RELL1: variants seen among roughly 807,000 people sequenced by gnomAD.
The protein encoded by RELL1 is RELT-like protein 1.
In RELL1, 10 loss-of-function variants were observed where a neutral mutation model predicts 23.0. The observed-to-expected ratio is 0.43, with a 90% CI of 0.27 to 0.74. RELL1 has a LOEUF of 0.74. Among genes scored for constraint, RELL1 ranks in the 30% least tolerant of loss-of-function variants. The pLI is 0.19. For synonymous variants in RELL1, 146 were observed against 146.8 expected, an observed-to-expected ratio of 0.99 and a Z score of 0.04; for missense variants, 315 against 364.4, an observed-to-expected ratio of 0.86 and a Z score of 1.10.
chr4:37,668,748 C>G (rs1445856128), intron 1 of RELL1, among the ~76,000 whole-genome samples: 1 of 147,550 alleles, frequency 6.8e-6, no homozygotes, highest in East Asian at 2.0e-4. Flanking sequence ...TCTGCCCGGC[C>G]GCCATCCCAT....
intron 6 of RELL1, among the ~76,000 whole-genome samples, chr4:37,595,208 C>G (rs1157907633): frequency 6.6e-6 from 1 of 152,124 alleles, no homozygotes; most frequent in Non-Finnish European, 1.5e-5. Context: ...TATAGATTTA[C>G]TAAATTTGTA....
chr4:37,625,326 A>G (rs895018607), intron 6 of RELL1, among the ~76,000 whole-genome samples: 2 of 151,606 alleles, frequency 1.3e-5, no homozygotes, highest in Non-Finnish European at 2.9e-5. Context: ...ATTTTTTGAT[A>G]AGATCCCAAA....
rs1719141272 is a variant in RELL1, at chr4:37,604,900, G to GACACACACACATACACACAGACAC, written c.*4-13684_*4-13683insGTGTCTGTGTGTATGTGTGTGTGT. Among the ~76,000 whole-genome samples the GACACACACACATACACACAGACAC allele has an allele frequency of 9.1e-5, 6 of 65,614 alleles. 1 individual carries two copies. Among genetic ancestry groups the GACACACACACATACACACAGACAC allele is most frequent in the African/African-American group, 4.9e-4 (6 of 12,180 alleles). 43.0% of individuals were successfully genotyped at this position (65,614 alleles called of 152,430 possible). On this transcript the variant is annotated intron_variant, in intron 6 of 6. Coordinates refer to the RELL1 transcript ENST00000314117. ...ACACATACACACAGACACACACACA[G>GACACACACACATACACACAGACAC]ACACACACACACACACACAGACACA...
intron 6 of RELL1, among the ~76,000 whole-genome samples, chr4:37,626,062 A>G (rs1254199038): frequency 6.6e-6 from 1 of 152,232 alleles, no homozygotes; most frequent in Non-Finnish European, 1.5e-5. Context: ...CACACCTGTT[A>G]GAATGACAAT....
intron 6 of RELL1, chr4:37,622,704 C>A: frequency 2.4e-6 from 1 of 422,230 alleles, no homozygotes; most frequent in Non-Finnish European, 4.6e-6. Flanking sequence ...AGGATAGAAG[C>A]TCTGTAAGAG....
chr4:37,643,729 C>T (rs1720601877), intron 3 of RELL1, among the ~76,000 whole-genome samples: 1 of 152,156 alleles, frequency 6.6e-6, no homozygotes, highest in Non-Finnish European at 1.5e-5. Flanking sequence ...TTTAAAAATG[C>T]ATTTAGTCCA....
rs760013699 is a variant in RELL1, at chr4:37,610,636, C to G, written c.*2710G>C. Among the ~76,000 whole-genome samples, 2 of 152,152 alleles carry G rather than the reference C, an allele frequency of 1.3e-5. No homozygotes were observed. The highest frequency in any genetic ancestry group is 2.9e-5 in the Non-Finnish European group (2 of 68,024). ...GGATCACCCACAAGACAACACACTG[C>G]GTTTAACATTTTTATTTTTAACTCC... On this transcript the variant is annotated 3_prime_UTR_variant, in exon 7 of 7. Coordinates refer to ENST00000454158, the MANE Select transcript of RELL1 (RefSeq NM_001085400.2). This position sits in a 1 kb window ranked among gnomAD's most constrained non-coding sequence, Gnocchi z 4.1.
intron 6 of RELL1, among the ~76,000 whole-genome samples, chr4:37,600,082 C>T (rs560315224): frequency 6.6e-6 from 1 of 152,188 alleles, no homozygotes; most frequent in South Asian, 2.1e-4. Flanking sequence ...CCAGCCTGGC[C>T]AACGTGGCAA....
chr4:37,678,601 A>T (rs373581358), intron 1 of RELL1, among the ~76,000 whole-genome samples: 4 of 152,354 alleles, frequency 2.6e-5, no homozygotes, highest in African/African-American at 4.8e-5. Context: ...AAGTAATGGC[A>T]GAGGCCCAAA....
At position 37,644,301 on chromosome 4, in the gene RELL1, G is replaced by C. The variant is rs115264296; in HGVS notation, c.385+3067C>G. Among the ~76,000 whole-genome samples, 749 of 152,042 alleles carry C rather than the reference G, an allele frequency of 4.9e-3. 4 individuals carry two copies. Among genetic ancestry groups the C allele is most frequent in the African/African-American group, 0.017 (723 of 41,502 alleles). On this transcript the variant is annotated intron_variant, in intron 3 of 6. Transcript: ENST00000454158. ...ACCCTCTCTGCTGTAATTAAGAGAA[G>C]TGCTTACTGCCAGCACCGTCCTGCC...
intron 6 of RELL1, among the ~76,000 whole-genome samples, chr4:37,615,441 C>A (rs1719543859): frequency 1.3e-5 from 2 of 152,216 alleles, no homozygotes; most frequent in Admixed American, 6.5e-5. Flanking sequence ...ATTTCTTTAA[C>A]CCAGAACAAT....
intron 1 of RELL1, among the ~76,000 whole-genome samples, chr4:37,680,440 G>A (rs1053776695): frequency 6.6e-6 from 1 of 152,248 alleles, no homozygotes; most frequent in South Asian, 2.1e-4. Context: ...TAAAAATAAT[G>A]AGCAACTGAA....
intron 1 of RELL1, among the ~76,000 whole-genome samples, chr4:37,658,661 G>T (rs113108623): frequency 2.6e-5 from 4 of 152,266 alleles, no homozygotes; most frequent in African/African-American, 9.6e-5. Flanking sequence ...GTCTGCATAC[G>T]TAAAACACGA....
chr4:37,604,990 G>A (rs58037498), intron 6 of RELL1, among the ~76,000 whole-genome samples: 18,207 of 150,792 alleles, frequency 0.12, 1,298 homozygotes, highest in East Asian at 0.28. Context: ...CAGTTGGAAA[G>A]TGTGTTTCTC....
downstream of RELL1, chr4:37,589,952 A>T: frequency 1.3e-6 from 1 of 760,024 alleles, no homozygotes; most frequent in Admixed American, 2.4e-5. Context: ...TATCTATTTG[A>T]TTTAGACATA....
chr4:37,672,075 G>A (rs2109309821), intron 1 of RELL1, among the ~76,000 whole-genome samples: 1 of 152,240 alleles, frequency 6.6e-6, no homozygotes, highest in African/African-American at 2.4e-5. Flanking sequence ...CAACCCAGAA[G>A]CTCCTAGCCT....
chr4:37,635,917 A>G (rs1720311610), intron 4 of RELL1, among the ~76,000 whole-genome samples: 1 of 152,246 alleles, frequency 6.6e-6, no homozygotes, highest in Non-Finnish European at 1.5e-5. Context: ...ATTATATCAA[A>G]GGAGGAAAGC....
At chr4:37,590,657 A>G, downstream of RELL1, 1 of 1,614,186 alleles carries the variant, frequency 6.2e-7, no homozygotes, top group Non-Finnish European at 8.5e-7. Context: ...AACGTTGATC[A>G]TAATGAAAAG....
chr4:37,666,232 G>A (rs937304464), intron 1 of RELL1, among the ~76,000 whole-genome samples: 3 of 152,214 alleles, frequency 2.0e-5, no homozygotes, highest in African/African-American at 7.2e-5. Context: ...TATTGAAGCT[G>A]AAGTCACTCA....
Sources: allele counts gnomAD v4.1 joint callset (sites outside exome capture counted in the v4.1 genomes callset), GRCh38; gene constraint gnomAD v4.1.1; non-coding constraint Gnocchi (gnomAD v3.1); transcripts MANE v1.5; gene names NCBI Gene and HGNC (gene_info 2026-07-23, HGNC 2026-07-21).